Variants in PLEKHB2 observed in about 807,000 individuals in gnomAD.
PLEKHB2 encodes the protein pleckstrin homology domain-containing family B member 2.
Under a neutral mutation model 36.5 loss-of-function variants are expected in PLEKHB2, and 31 were observed. The ratio of observed to expected loss-of-function variants is 0.85; its 90% CI spans 0.64 to 1.15. The LOEUF (loss-of-function observed/expected upper bound fraction) is 1.15. Among genes scored for constraint, PLEKHB2 ranks in the 50% most tolerant of loss-of-function variants. The pLI, the probability that PLEKHB2 is intolerant of heterozygous loss-of-function variation, is 0.00. For synonymous variants in PLEKHB2, 119 were observed against 112.0 expected, an observed-to-expected ratio of 1.06 and a Z score of -0.39; for missense variants, 262 against 295.3, an observed-to-expected ratio of 0.89 and a Z score of 0.83.
intron 7 of PLEKHB2, chr2:131,144,279 C>T (rs1699071804): frequency 1.1e-5 from 4 of 375,078 alleles, no homozygotes; most frequent in South Asian, 1.5e-4. Context: ...GTACTGTAGA[C>T]GTATTGTAAA....
At position 131,145,786 on chromosome 2, in the gene PLEKHB2, A is replaced by C. The variant is rs1429779265; in HGVS notation, c.533-851A>C. Among the ~76,000 whole-genome samples, 3 of 152,196 alleles carry C rather than the reference A, an allele frequency of 2.0e-5. No individual in the cohort carries two copies. In the South Asian group the frequency reaches 6.2e-4, roughly 32 times the overall value. On this transcript the variant is annotated intron_variant, in intron 7 of 7. Coordinates refer to ENST00000693505, the MANE Select transcript of PLEKHB2 (RefSeq NM_001100623.2). The stretch of plus-strand genomic sequence containing the variant: ...CAGTATATTTCCAGTTGTAAATTTT[A>C]ATCTTGCAAATTAAATACTAAATTT...
intron 6 of PLEKHB2, 63 bp from the exon 7 acceptor site, chr2:131,140,104 A>G: frequency 1.0e-6 from 1 of 993,252 alleles, no homozygotes; most frequent in Non-Finnish European, 1.5e-6. Context: ...CCTGGAGACC[A>G]CAATTTTAAT....
chr2:131,121,053 C>A, intron 2 of PLEKHB2, 75 bp downstream of exon 2: 1 of 1,450,284 alleles, frequency 6.9e-7, no homozygotes, highest in South Asian at 1.2e-5. Context: ...TAAAGTTGAT[C>A]ATATTTAAAA....
intron 3 of PLEKHB2, among the ~76,000 whole-genome samples, chr2:131,126,276 C>T (rs942231048): frequency 6.6e-6 from 1 of 152,058 alleles, no homozygotes; most frequent in South Asian, 2.1e-4. Context: ...GCCTGTAATC[C>T]CAGCACTTTG....
chr2:131,135,389 T>C (rs1169425694), intron 6 of PLEKHB2, among the ~76,000 whole-genome samples: 1 of 152,160 alleles, frequency 6.6e-6, no homozygotes, highest in African/African-American at 2.4e-5. Context: ...CTTTCTAAGC[T>C]CACTTACTCT....
At chr2:131,113,135 T>C (rs1487406205) in intron 1 of PLEKHB2, among the ~76,000 whole-genome samples, 2 of 151,656 alleles carry the variant, frequency 1.3e-5, no homozygotes, top group African/African-American at 4.8e-5. Context: ...CAGGTTGGAA[T>C]GTAGTGGTGT....
intron 1 of PLEKHB2, among the ~76,000 whole-genome samples, chr2:131,113,196 C>CAAAGA: frequency 6.6e-6 from 1 of 152,070 alleles, no homozygotes; most frequent in Admixed American, 6.6e-5. Flanking sequence ...GGTCCTCTTA[C>CAAAGA]CTCAGCCCCC....
At chr2:131,124,673 T>G (rs1265215013) in intron 2 of PLEKHB2, among the ~76,000 whole-genome samples, 2 of 152,210 alleles carry the variant, frequency 1.3e-5, no homozygotes, top group African/African-American at 4.8e-5. Context: ...TGTGCTCATT[T>G]ATCCAGTGTA....
At chr2:131,137,573 C>T (rs934310434) in intron 6 of PLEKHB2, among the ~76,000 whole-genome samples, 1 of 152,086 alleles carries the variant, frequency 6.6e-6, no homozygotes, top group African/African-American at 2.4e-5. Context: ...TTCTTATTAT[C>T]CTTGTGATGT....
intron 7 of PLEKHB2, among the ~76,000 whole-genome samples, chr2:131,140,479 T>C (rs938253564): frequency 6.6e-6 from 1 of 152,282 alleles, no homozygotes; most frequent in Non-Finnish European, 1.5e-5. Flanking sequence ...GCTTGATTTT[T>C]AGAACTTGGC....
chr2:131,110,541 A>C (rs1695199100), intron 1 of PLEKHB2, among the ~76,000 whole-genome samples: 1 of 152,026 alleles, frequency 6.6e-6, no homozygotes, highest in East Asian at 1.9e-4. Flanking sequence ...ATGTGCAGCT[A>C]ACTTCTTATT....
chr2:131,126,295 A>T (rs761977298), intron 3 of PLEKHB2, among the ~76,000 whole-genome samples: 12 of 152,130 alleles, frequency 7.9e-5, no homozygotes, highest in Non-Finnish European at 1.8e-4. Context: ...TGGGAGGCCG[A>T]GGTGGGTGGA....
intron 1 of PLEKHB2, chr2:131,120,634 G>C: frequency 2.2e-6 from 1 of 456,264 alleles, no homozygotes; most frequent in South Asian, 2.2e-5. Context: ...CCATGTCCTT[G>C]ACAGAGCTAA....
chr2:131,133,963 G>A (rs1229120219), intron 6 of PLEKHB2, among the ~76,000 whole-genome samples: 1 of 148,606 alleles, frequency 6.7e-6, no homozygotes, highest in Non-Finnish European at 1.5e-5. Flanking sequence ...GCAGTGGCTC[G>A]ATCTCGGCTC....
At chr2:131,120,694 G>T in intron 1 of PLEKHB2, 1 of 585,270 alleles carries the variant, frequency 1.7e-6, no homozygotes, top group Admixed American at 2.8e-5. Context: ...TGTTAGACTC[G>T]GTCAGGTGGG....
At chr2:131,137,016 G>A (rs1421374709) in intron 6 of PLEKHB2, among the ~76,000 whole-genome samples, 2 of 147,738 alleles carry the variant, frequency 1.4e-5, no homozygotes, top group Admixed American at 1.4e-4. Flanking sequence ...GCGTGATCTC[G>A]GCTCACTGCA....
In PLEKHB2 at chr2:131,132,580, G is replaced by A. The variant is rs781652343; in HGVS notation, c.334-322G>A. Among the ~76,000 whole-genome samples, 9 of 151,990 alleles carry A rather than the reference G, an allele frequency of 5.9e-5. No homozygotes were observed. In the South Asian group the frequency reaches 6.2e-4, roughly 11 times the overall value. The stretch of plus-strand genomic sequence containing the variant: ...TCCCCAAAGTGTTGGGATTATAGGT[G>A]TGAGCCATTGCACCTGGCCTGATGT... On this transcript the variant is annotated intron_variant, in intron 5 of 7. Transcript: ENST00000693505.
At chr2:131,124,033 C>T (rs533031971) in intron 2 of PLEKHB2, among the ~76,000 whole-genome samples, 4 of 152,018 alleles carry the variant, frequency 2.6e-5, no homozygotes, top group South Asian at 2.1e-4. Flanking sequence ...TTTGTAGAGA[C>T]GGGATCTTGC....
At chr2:131,131,837 G>T (rs1697732697) in intron 5 of PLEKHB2, among the ~76,000 whole-genome samples, 1 of 145,600 alleles carries the variant, frequency 6.9e-6, no homozygotes, top group African/African-American at 2.6e-5. Flanking sequence ...GATTCTTTGT[G>T]TGGATTTTTT....
Sources: allele counts gnomAD v4.1 joint callset (sites outside exome capture counted in the v4.1 genomes callset), GRCh38; gene constraint gnomAD v4.1.1; transcripts MANE v1.5; gene names NCBI Gene and HGNC (gene_info 2026-07-23, HGNC 2026-07-21).